Variants in FOXP2 observed in about 807,000 individuals in gnomAD.
FOXP2 encodes forkhead box P2.
FOXP2 carries 12 observed loss-of-function variants against 115.8 expected under a neutral mutation model. That is an observed-to-expected ratio of 0.10 (90% confidence interval 0.07 to 0.17). The LOEUF is 0.17. Ranked by LOEUF, FOXP2 falls within the 10% of genes least tolerant of loss-of-function variation. FOXP2 has a pLI of 1.00. For synonymous variants in FOXP2, 328 were observed against 297.7 expected (o/e 1.10, Z -1.05); for missense variants, 629 against 843.5 (o/e 0.75, Z 3.15).
intron 2 of FOXP2, among the ~76,000 whole-genome samples, chr7:114,459,292 G>A (rs949054720): frequency 6.6e-6 from 1 of 152,148 alleles, no homozygotes; most frequent in Admixed American, 6.5e-5. Context: ...AGAGCCGTAG[G>A]AACTACTGGG....
chr7:114,391,414 C>A (rs1408174178), intron 2 of FOXP2, among the ~76,000 whole-genome samples: 1 of 152,124 alleles, frequency 6.6e-6, no homozygotes, highest in Non-Finnish European at 1.5e-5. Context: ...TGTGCCTATA[C>A]AAATACAAGG....
chr7:114,092,491 A>G (rs987685296), intron 1 of FOXP2, among the ~76,000 whole-genome samples: 1 of 151,920 alleles, frequency 6.6e-6, no homozygotes, highest in Non-Finnish European at 1.5e-5. Context: ...TACACACCCA[A>G]CGATAGCCAT....
chr7:114,329,911 G>C (rs1337440079), intron 2 of FOXP2, among the ~76,000 whole-genome samples: 1 of 151,986 alleles, frequency 6.6e-6, no homozygotes, highest in Admixed American at 6.5e-5. Flanking sequence ...TCCTGACCTC[G>C]AGATCCACCC....
In FOXP2 at chr7:114,318,744, C is replaced by T. The variant is rs977471482; in HGVS notation, c.-11+30635C>T. Among the ~76,000 whole-genome samples the T allele has an allele frequency of 5.3e-5, 8 of 151,222 alleles. No homozygotes were observed. In the East Asian group the frequency reaches 1.5e-3, roughly 29 times the overall value. On this transcript the variant is annotated intron_variant, in intron 2 of 17. Transcript: ENST00000634411. Reference sequence around the variant, plus strand: ...ATATATATACACACACACGCACAGACATATGGAATGTTTTGCATATTTTCT... The same window carrying T: ...ATATATATACACACACACGCACAGATATATGGAATGTTTTGCATATTTTCT...
intron 1 of FOXP2, among the ~76,000 whole-genome samples, chr7:114,142,103 A>G (rs901760497): frequency 1.3e-4 from 20 of 151,828 alleles, no homozygotes; most frequent in African/African-American, 4.8e-4. Context: ...GCTCACTGCA[A>G]CCTCCGTCTT....
intron 3 of FOXP2, among the ~76,000 whole-genome samples, chr7:114,627,425 A>G (rs561022065): frequency 6.6e-6 from 1 of 152,244 alleles, no homozygotes; most frequent in South Asian, 2.1e-4. Context: ...AAACTTGGAA[A>G]GTTGACAAGT....
chr7:114,374,084 C>T (rs1267614101), intron 2 of FOXP2, among the ~76,000 whole-genome samples: 1 of 152,096 alleles, frequency 6.6e-6, no homozygotes, highest in East Asian at 1.9e-4. Flanking sequence ...CGTTTCATAG[C>T]CTTCAACAGA....
Position 114,094,596 on chromosome 7 carries a change from G to A in FOXP2, c.-247+6758G>A, listed in dbSNP as rs556663898. 6.6e-5 allele frequency among the ~76,000 whole-genome samples: 10 copies of A among 152,208 alleles called. No individual in the cohort carries two copies. In the South Asian group the frequency reaches 2.1e-3, roughly 32 times the overall value. ...ACCATTAGTGATATGTGGCCCTTGG[G>A]AAACTGAAGCCAGGCAAAGTGGGTT... On this transcript the variant is annotated intron_variant, in intron 1 of 19. Transcript: ENST00000635638.
intron 2 of FOXP2, among the ~76,000 whole-genome samples, chr7:114,309,637 T>C (rs1258131600): frequency 1.3e-5 from 2 of 152,084 alleles, no homozygotes; most frequent in Non-Finnish European, 2.9e-5. Context: ...TACATTTTTT[T>C]CCCCATAGTT....
At chr7:114,379,630 A>G (rs1472426053) in intron 2 of FOXP2, among the ~76,000 whole-genome samples, 1 of 152,170 alleles carries the variant, frequency 6.6e-6, no homozygotes, top group Non-Finnish European at 1.5e-5. Flanking sequence ...CTGGGGCTCC[A>G]TTTGAAAAAC....
chr7:114,332,762 T>C (rs1388520838), intron 2 of FOXP2, among the ~76,000 whole-genome samples: 2 of 152,204 alleles, frequency 1.3e-5, no homozygotes, highest in East Asian at 3.8e-4. Flanking sequence ...TCTAGAGTTC[T>C]GGGATTTGTT....
At chr7:114,184,117 C>G (rs1249667462) in intron 1 of FOXP2, among the ~76,000 whole-genome samples, 1 of 152,132 alleles carries the variant, frequency 6.6e-6, no homozygotes, top group Non-Finnish European at 1.5e-5. Context: ...CCTGTACCCA[C>G]CATTCAGATT....
At chr7:114,282,092 TTTACCTCAGTACTCTACAAAG>T (rs1303422473) in intron 1 of FOXP2, among the ~76,000 whole-genome samples, 2 of 152,150 alleles carry the variant, frequency 1.3e-5, no homozygotes, top group Non-Finnish European at 2.9e-5. Flanking sequence ...AGAATCTCCT[TTTACCTCAGTACTCTACAAAG>T]ATATTAGAAG....
intron 1 of FOXP2, among the ~76,000 whole-genome samples, chr7:114,130,049 C>T (rs1024221253): frequency 2.0e-5 from 3 of 152,128 alleles, no homozygotes; most frequent in South Asian, 2.1e-4. Context: ...TGTGGTGGCT[C>T]ATGCCTGTAA....
intron 3 of FOXP2, among the ~76,000 whole-genome samples, chr7:114,570,269 G>A (rs1801226405): frequency 6.6e-6 from 1 of 151,806 alleles, no homozygotes; most frequent in South Asian, 2.1e-4. Context: ...ATACATTTTA[G>A]TGGCAATAAT....
At chr7:114,383,355 G>A (rs1792358309) in intron 2 of FOXP2, among the ~76,000 whole-genome samples, 2 of 152,038 alleles carry the variant, frequency 1.3e-5, no homozygotes, top group East Asian at 1.9e-4. Context: ...GGGAACATTG[G>A]CACTCTTTGA....
intron 2 of FOXP2, among the ~76,000 whole-genome samples, chr7:114,371,107 TA>T (rs1157051381): frequency 3.9e-5 from 6 of 152,292 alleles, no homozygotes; most frequent in East Asian, 3.9e-4. Context: ...TTTATTTATT[TA>T]TTTTTTTGAG....
At chr7:114,540,967 G>GT (rs1255487722) in intron 3 of FOXP2, among the ~76,000 whole-genome samples, 2 of 152,054 alleles carry the variant, frequency 1.3e-5, no homozygotes, top group African/African-American at 2.4e-5. Context: ...GGCTATTAAA[G>GT]TTTTTTGATG....
At chr7:114,490,723 T>G (rs1447187819) in intron 2 of FOXP2, among the ~76,000 whole-genome samples, 1 of 152,170 alleles carries the variant, frequency 6.6e-6, no homozygotes, top group Admixed American at 6.5e-5. Context: ...TTCTCATTGT[T>G]CAATTCCCAC....
Sources: allele counts gnomAD v4.1 joint callset (sites outside exome capture counted in the v4.1 genomes callset), GRCh38; gene constraint gnomAD v4.1.1; transcripts MANE v1.5; gene names NCBI Gene and HGNC (gene_info 2026-07-23, HGNC 2026-07-21).